ALG8: variants seen among roughly 807,000 people sequenced by gnomAD.
ALG8 encodes ALG8 alpha-1,3-glucosyltransferase.
A neutral mutation model predicts 70.2 loss-of-function variants in ALG8; 48 were observed. The observed-to-expected ratio is 0.68, with a 90% CI of 0.54 to 0.87. ALG8 has a LOEUF of 0.87. Among genes scored for constraint, ALG8 ranks in the 40% least tolerant of loss-of-function variants. ALG8 has a pLI of 0.00. For missense variants in ALG8, 572 were observed against 608.7 expected, an observed-to-expected ratio of 0.94 and a Z score of 0.64; for synonymous variants, 234 against 229.0, an observed-to-expected ratio of 1.02 and a Z score of -0.20.
At chr11:78,125,545 C>G (rs1190722687) in intron 2 of ALG8, among the ~76,000 whole-genome samples, 1 of 149,190 alleles carries the variant, frequency 6.7e-6, no homozygotes, top group Non-Finnish European at 1.5e-5. Context: ...GCAGGTGGAT[C>G]ACCTGAGGTC....
At chr11:78,129,662 C>T (rs1351725031) in intron 1 of ALG8, among the ~76,000 whole-genome samples, 1 of 152,166 alleles carries the variant, frequency 6.6e-6, no homozygotes, top group Non-Finnish European at 1.5e-5. Context: ...CACTCATTCT[C>T]TCACAAGTAT....
At chr11:78,132,917 A>T (rs1235632932) in intron 1 of ALG8, among the ~76,000 whole-genome samples, 1 of 149,150 alleles carries the variant, frequency 6.7e-6, no homozygotes, top group African/African-American at 2.5e-5. Flanking sequence ...GCTCACTGCA[A>T]GCTCCGCCTT....
chr11:78,129,116 T>C (rs1172135490), intron 1 of ALG8, among the ~76,000 whole-genome samples: 4 of 151,854 alleles, frequency 2.6e-5, no homozygotes, highest in African/African-American at 9.7e-5. Context: ...AAAAGACACG[T>C]ACTGTAAGAA....
intron 5 of ALG8, chr11:78,114,785 G>A (rs1460544777): frequency 4.9e-6 from 2 of 408,942 alleles, no homozygotes; most frequent in South Asian, 1.8e-5. Context: ...GGACAAAATA[G>A]GGAGGCCCTG....
At chr11:78,105,042 G>A (rs867909073) in intron 10 of ALG8, among the ~76,000 whole-genome samples, 15 of 152,008 alleles carry the variant, frequency 9.9e-5, no homozygotes, top group Non-Finnish European at 4.4e-5. Context: ...ATTGGGAGCT[G>A]CCTAGTGGTG....
rs1860196511 is a variant in ALG8 at position 78,109,710 on chromosome 11, TCATG to T, written c.899-133_899-130del. 2.1e-6 allele frequency: 2 copies of T among 947,004 alleles called. 1 individual carries two copies. Among genetic ancestry groups the T allele is most frequent in the Admixed American group, 4.2e-5 (2 of 47,980 alleles). The allele number at this position is 947,004 out of a possible 1,614,324, so 58.7% of individuals were successfully genotyped here. A position where few individuals can be genotyped will look rare whatever the true frequency, so the allele number is the denominator to read the frequency against. On this transcript the variant is annotated intron_variant, in intron 8 of 12. Coordinates refer to ENST00000299626, the MANE Select transcript of ALG8 (RefSeq NM_024079.5). ...TTATTGCTGCTTAAAGGCTAAGATT[TCATG>T]AATTTAATCCTATACTATTCTACCC... is the stretch of plus-strand genomic sequence containing the variant.
At chr11:78,113,812 C>T in intron 7 of ALG8, 74 bp downstream of exon 7, 1 of 1,221,262 alleles carries the variant, frequency 8.2e-7, no homozygotes, top group Non-Finnish European at 1.1e-6. Context: ...TTTACATATT[C>T]CTGGCTTTAT....
intron 1 of ALG8, chr11:78,139,235 G>A (rs1861690824): frequency 7.7e-6 from 4 of 518,916 alleles, no homozygotes; most frequent in Admixed American, 3.2e-5. Context: ...GTTCTTAACT[G>A]CCTATTAAGG....
intron 1 of ALG8, among the ~76,000 whole-genome samples, chr11:78,132,592 G>A (rs1861350071): frequency 6.6e-6 from 1 of 152,040 alleles, no homozygotes; most frequent in Non-Finnish European, 1.5e-5. Context: ...CAGCTACACT[G>A]GCCTTATCAT....
At chr11:78,121,613 C>T (rs138463148) in intron 3 of ALG8, among the ~76,000 whole-genome samples, 99 of 151,314 alleles carry the variant, frequency 6.5e-4, no homozygotes, top group African/African-American at 2.2e-3. Context: ...GCCTGTTCCA[C>T]GTCTTTTTCT....
At chr11:78,130,324 G>A (rs1162203728) in intron 1 of ALG8, among the ~76,000 whole-genome samples, 3 of 104,622 alleles carry the variant, frequency 2.9e-5, no homozygotes, top group African/African-American at 1.3e-4. Context: ...ACTCCAGCAT[G>A]GGAGACAGAG....
chr11:78,119,588 C>A (rs1048017735), intron 4 of ALG8, among the ~76,000 whole-genome samples: 9 of 151,938 alleles, frequency 5.9e-5, no homozygotes. Flanking sequence ...ACCACCACAC[C>A]CAGCTAATTT....
intron 9 of ALG8, among the ~76,000 whole-genome samples, chr11:78,108,892 G>T (rs1860159882): frequency 6.6e-6 from 1 of 152,104 alleles, no homozygotes; most frequent in African/African-American, 2.4e-5. Context: ...TGAAATTGAG[G>T]TCACTGCAAT....
chr11:78,109,572 A>G lies in ALG8; in HGVS notation c.908T>C (p.Leu303Ser). ...AATATTGTTGGGATCAAGAAATTTC[A>G]ATTTCAAACCTATTAAACAGATATT... Reference protein sequence around the residue: ...DKVLSVIGLKLKFLDPNNIPK... With the variant: ...DKVLSVIGLKSKFLDPNNIPK... Residue 303 changes from leucine (L) to serine (S), a missense_variant, in exon 9 of 13, where the codon TTG (leucine) becomes TCG (serine). Leu to Ser is a moderately radical substitution (Grantham distance 145). Transcript: ENST00000299626. 1 of 1,614,028 alleles carries G rather than the reference A, an allele frequency of 6.2e-7. No individual in the cohort carries two copies. The highest frequency in any genetic ancestry group is 1.1e-5 in the South Asian group (1 of 91,076).
At chr11:78,113,794 T>A in intron 7 of ALG8, 92 bp downstream of exon 7, 3 of 1,062,326 alleles carry the variant, frequency 2.8e-6, no homozygotes, top group South Asian at 1.5e-5. Flanking sequence ...AAAGTAGCTT[T>A]TACTTATTTT....
intron 5 of ALG8, among the ~76,000 whole-genome samples, chr11:78,115,173 C>T (rs1246999478): frequency 6.6e-6 from 1 of 152,164 alleles, no homozygotes; most frequent in Non-Finnish European, 1.5e-5. Context: ...GCTGGGACTA[C>T]AGGCGTGTGC....
Position 78,112,686 on chromosome 11 carries a change from A to G in ALG8, c.862T>C (p.Leu288=), listed in dbSNP as rs61995924. ...AGCACTTTGTCCAAAGCATTGTACA[A>G]AGCCCAGAAGTTTGGAGCCCAATAT... The part of the protein sequence containing the change: ...HAYWAPNFWA[L]YNALDKVLSV... Residue 288 remains leucine, a synonymous_variant, in exon 8 of 13, where the codon TTG becomes CTG. Coordinates refer to ENST00000299626, the MANE Select transcript of ALG8 (RefSeq NM_024079.5). The G allele has an allele frequency of 8.4e-3, 13,576 of 1,614,042 alleles. 898 individuals carry two copies. The African/African-American group carries it at 0.15, about 18-fold the overall frequency.
At chr11:78,134,852 T>G (rs888595758) in intron 1 of ALG8, among the ~76,000 whole-genome samples, 34 of 152,226 alleles carry the variant, frequency 2.2e-4, no homozygotes, top group African/African-American at 8.0e-4. Flanking sequence ...AATGAAGTCT[T>G]GAACCCCTCA....
At chr11:78,132,893 G>C (rs886589002) in intron 1 of ALG8, among the ~76,000 whole-genome samples, 5 of 141,594 alleles carry the variant, frequency 3.5e-5, no homozygotes, top group Non-Finnish European at 6.0e-5. Flanking sequence ...TTGGAGTGCA[G>C]TGGCGCTATC....
Sources: allele counts gnomAD v4.1 joint callset (sites outside exome capture counted in the v4.1 genomes callset), GRCh38; gene constraint gnomAD v4.1.1; transcripts MANE v1.5; gene names NCBI Gene and HGNC (gene_info 2026-07-23, HGNC 2026-07-21).